The following SNRPN variants were observed in gnomAD, a reference collection of about 807,000 sequenced individuals.
SNRPN encodes small nuclear ribonucleoprotein polypeptide N, also known as small nuclear ribonucleoprotein-associated protein N.
In SNRPN, 7 loss-of-function variants were observed where a neutral mutation model predicts 25.2. The ratio of observed to expected loss-of-function variants is 0.28; its 90% CI spans 0.16 to 0.52. The LOEUF is 0.52. Ranked by LOEUF, SNRPN falls within the 20% of genes least tolerant of loss-of-function variation. SNRPN has a pLI of 0.96. For synonymous variants in SNRPN, 124 were observed against 110.6 expected (o/e 1.12, Z -0.76); for missense variants, 196 against 322.5 (o/e 0.61, Z 3.00).
At position 24,872,296 on chromosome 15, in the gene SNRPN, A is replaced by G. The variant is rs1049774763; in HGVS notation, c.-578-14220A>G. Reference sequence around the variant, plus strand: ...GATTCTCCTGCCTCAGCCTCCCAAGAGGCTAGGATTACAGGTGCCTGCCAC... The same window carrying G: ...GATTCTCCTGCCTCAGCCTCCCAAGGGGCTAGGATTACAGGTGCCTGCCAC... On this transcript the variant is annotated intron_variant, in intron 1 of 11. Transcript: ENST00000400097. Among the ~76,000 whole-genome samples the G allele has an allele frequency of 1.7e-5, 2 of 115,896 alleles. 1 individual carries two copies. Among genetic ancestry groups the G allele is most frequent in the African/African-American group, 5.8e-5 (2 of 34,420 alleles). 76.0% of individuals were successfully genotyped at this position (115,896 alleles called of 152,430 possible). A position where few individuals can be genotyped will look rare whatever the true frequency, so the allele number is the denominator to read the frequency against.
chr15:24,866,850 C>T (rs757069759), intron 1 of SNRPN, among the ~76,000 whole-genome samples: 25 of 152,048 alleles, frequency 1.6e-4, no homozygotes, highest in Non-Finnish European at 3.5e-4. Flanking sequence ...ACCATGTTGT[C>T]GCAAATGACA....
At chr15:24,931,530 C>G (rs564424198) in intron 3 of SNRPN, among the ~76,000 whole-genome samples, 1 of 151,848 alleles carries the variant, frequency 6.6e-6, no homozygotes, top group Non-Finnish European at 1.5e-5. Context: ...TTGAGACCAG[C>G]CTGGGCAATA....
intron 2 of SNRPN, chr15:24,850,105 T>C (rs2052678150): frequency 6.6e-6 from 1 of 152,190 alleles, no homozygotes; most frequent in South Asian, 2.1e-4. Flanking sequence ...TTTCCACCTT[T>C]CTTGCTGACA....
chr15:24,975,760 A>G (rs886230838), intron 5 of SNRPN, among the ~76,000 whole-genome samples: 2 of 152,182 alleles, frequency 1.3e-5, no homozygotes, highest in African/African-American at 4.8e-5. Context: ...GAATACTCGT[A>G]TTTATTTTTA....
intron 3 of SNRPN, among the ~76,000 whole-genome samples, chr15:24,937,846 C>T (rs1053845155): frequency 5.9e-5 from 9 of 152,124 alleles, no homozygotes; most frequent in Admixed American, 1.3e-4. Flanking sequence ...CTGGATATCT[C>T]GTATAAATGG....
In SNRPN at chr15:24,977,809, C is replaced by G. The variant is rs1085307632; in HGVS notation, c.452C>G (p.Ala151Gly). Residue 151 changes from alanine to glycine, a missense_variant, in exon 8 of 10, where the codon GCA becomes GGA. Transcript: ENST00000390687. ...VMTPQGRGTV[A>G]AAAVAATASI... is the part of the protein sequence containing the mutation. Reference sequence around the variant, plus strand: ...ACTCCACAGGGAAGAGGCACTGTAGCAGCTGCTGCTGTTGCTGCGACTGCC... The same window carrying G: ...ACTCCACAGGGAAGAGGCACTGTAGGAGCTGCTGCTGTTGCTGCGACTGCC... 7 of 1,613,042 alleles carry G rather than the reference C, an allele frequency of 4.3e-6. No homozygotes were observed. Among genetic ancestry groups the G allele is most frequent in the Non-Finnish European group, 5.9e-6 (7 of 1,179,484 alleles).
At chr15:24,969,762 C>T (rs1011012170) in intron 3 of SNRPN, among the ~76,000 whole-genome samples, 1 of 152,138 alleles carries the variant, frequency 6.6e-6, no homozygotes, top group Non-Finnish European at 1.5e-5. Flanking sequence ...GCTAGTTCTA[C>T]CTAAATAGTA....
intron 1 of SNRPN, among the ~76,000 whole-genome samples, chr15:24,884,606 TA>T (rs769686826): frequency 0.036 from 5,513 of 152,262 alleles, 328 homozygotes; most frequent in African/African-American, 0.12. Context: ...TTGGTGTGGA[TA>T]GCTTTCTTTT....
chr15:24,946,659 G>A (rs2061910029), intron 3 of SNRPN, among the ~76,000 whole-genome samples: 1 of 152,128 alleles, frequency 6.6e-6, no homozygotes, highest in Non-Finnish European at 1.5e-5. Context: ...TAGTAGAGAT[G>A]GGGTCTCCCT....
intron 3 of SNRPN, among the ~76,000 whole-genome samples, chr15:24,947,743 TAGC>T (rs1259145097): frequency 6.6e-6 from 1 of 152,234 alleles, no homozygotes; most frequent in East Asian, 1.9e-4. Flanking sequence ...TTTATCCAAG[TAGC>T]AGCACATCTT....
intron 3 of SNRPN, among the ~76,000 whole-genome samples, chr15:24,922,209 G>A (rs1424254991): frequency 2.6e-5 from 4 of 152,012 alleles, no homozygotes; most frequent in South Asian, 2.1e-4. Flanking sequence ...GCAAAACTCC[G>A]TCTCAAAAAA....
intron 9 of SNRPN, 34 bp from the exon 10 acceptor site, chr15:24,978,373 C>A: frequency 6.2e-7 from 1 of 1,613,906 alleles, no homozygotes; most frequent in African/African-American, 1.3e-5. Context: ...ATATGTGTAT[C>A]CTCTTTTTCT....
rs114423363 is a variant in SNRPN at position 24,934,910 on chromosome 15, T to G, written c.-391+14786T>G. 4.2e-4 allele frequency among the ~76,000 whole-genome samples: 64 copies of G among 152,296 alleles called. 1 individual carries two copies. Among genetic ancestry groups the G allele is most frequent in the African/African-American group, 1.5e-3 (62 of 41,568 alleles). Reference sequence around the variant, plus strand: ...GCAGGTACTCAGTTGCTTGTGCATATTTTGTTGGGAGATCACAAGTTAGCA... The same window carrying G: ...GCAGGTACTCAGTTGCTTGTGCATAGTTTGTTGGGAGATCACAAGTTAGCA... On this transcript the variant is annotated intron_variant, in intron 3 of 11. Transcript: ENST00000400097.
intron 2 of SNRPN, among the ~76,000 whole-genome samples, chr15:24,907,854 A>G (rs1034876697): frequency 6.6e-6 from 1 of 151,858 alleles, no homozygotes; most frequent in East Asian, 2.0e-4. Flanking sequence ...GGAATTCGAG[A>G]CCAGCCTGTC....
At chr15:24,839,243 T>C (rs2051468750) in intron 2 of SNRPN, among the ~76,000 whole-genome samples, 1 of 152,046 alleles carries the variant, frequency 6.6e-6, no homozygotes, top group Admixed American at 6.6e-5. Context: ...TCCATTGGCT[T>C]GCAGATGACA....
chr15:24,889,144 C>A (rs2030061), intron 2 of SNRPN, among the ~76,000 whole-genome samples: 30,556 of 151,984 alleles, frequency 0.2, 3,408 homozygotes, highest in Non-Finnish European at 0.22. Context: ...TCTCGAACTC[C>A]TGACCTCAGG....
At chr15:24,921,726 AG>A (rs2060031535) in intron 3 of SNRPN, among the ~76,000 whole-genome samples, 1 of 152,200 alleles carries the variant, frequency 6.6e-6, no homozygotes, top group South Asian at 2.1e-4. Flanking sequence ...ACAGTCCTTC[AG>A]GCCAACTCAC....
intron 1 of SNRPN, among the ~76,000 whole-genome samples, chr15:24,871,995 A>G (rs191196189): frequency 0.021 from 2,559 of 119,446 alleles, 612 homozygotes; most frequent in African/African-American, 0.066. Flanking sequence ...GTAAGCCACC[A>G]CGCCCGGCCT....
At chr15:24,835,127 T>C in intron 2 of SNRPN, among the ~76,000 whole-genome samples, 1 of 57,590 alleles carries the variant, frequency 1.7e-5, no homozygotes, top group Non-Finnish European at 3.6e-5. Flanking sequence ...ATATATAAAA[T>C]ATATAGATAT....
Sources: allele counts gnomAD v4.1 joint callset (sites outside exome capture counted in the v4.1 genomes callset), GRCh38; gene constraint gnomAD v4.1.1; transcripts MANE v1.5; gene names NCBI Gene and HGNC (gene_info 2026-07-23, HGNC 2026-07-21).